ILRUN: variants seen among roughly 807,000 people sequenced by gnomAD.
The protein encoded by ILRUN is inflammation and lipid regulator with UBA-like and NBR1-like domains.
Under a neutral mutation model 33.8 loss-of-function variants are expected in ILRUN, and 3 were observed. That is an observed-to-expected ratio of 0.09 (90% CI 0.04 to 0.23). The LOEUF (loss-of-function observed/expected upper bound fraction) is 0.23. Ranked by LOEUF, ILRUN falls within the 10% of genes least tolerant of loss-of-function variation. ILRUN has a pLI of 1.00. For missense variants in ILRUN, 210 were observed against 375.1 expected (o/e 0.56, Z 3.64); for synonymous variants, 124 against 138.9 (o/e 0.89, Z 0.75).
intron 1 of ILRUN, among the ~76,000 whole-genome samples, chr6:34,661,757 A>G (rs1762890163): frequency 2.0e-5 from 3 of 152,138 alleles, no homozygotes; most frequent in Admixed American, 1.3e-4. Context: ...TTTCAACATA[A>G]TAGGTCCAAA....
chr6:34,681,811 T>C (rs928492020), intron 1 of ILRUN, among the ~76,000 whole-genome samples: 1 of 151,338 alleles, frequency 6.6e-6, no homozygotes, highest in African/African-American at 2.4e-5. Context: ...GAAGGGATTT[T>C]ACTATATTTC....
intron 3 of ILRUN, among the ~76,000 whole-genome samples, chr6:34,639,414 C>T (rs540327083): frequency 1.3e-5 from 2 of 152,274 alleles, no homozygotes; most frequent in Admixed American, 1.3e-4. Context: ...CAGGGTAAAT[C>T]TCTCCTTTGG....
At position 34,605,426 on chromosome 6, in the gene ILRUN, G is replaced by A. The variant is rs963399866; in HGVS notation, c.861+1129C>T. Among the ~76,000 whole-genome samples the A allele has an allele frequency of 2.6e-5, 4 of 151,438 alleles. 1 individual carries two copies. Among genetic ancestry groups the A allele is most frequent in the Admixed American group, 1.3e-4 (2 of 15,192 alleles). On this transcript the variant is annotated intron_variant, in intron 4 of 4. Coordinates refer to ENST00000374023, the MANE Select transcript of ILRUN (RefSeq NM_024294.4). ...GAGGATCACTTGAGATCAGGAGTTCGAGACCAGCCCAGCCAACATAGTGAA... is the reference window on the plus strand; with the variant it reads ...GAGGATCACTTGAGATCAGGAGTTCAAGACCAGCCCAGCCAACATAGTGAA...
At chr6:34,634,728 C>G (rs1432118198) in intron 3 of ILRUN, among the ~76,000 whole-genome samples, 1 of 152,202 alleles carries the variant, frequency 6.6e-6, no homozygotes, top group South Asian at 2.1e-4. Flanking sequence ...TCCCACATCA[C>G]TCAAGATGAA....
At chr6:34,610,849 A>G (rs1409102149) in intron 3 of ILRUN, among the ~76,000 whole-genome samples, 1 of 152,186 alleles carries the variant, frequency 6.6e-6, no homozygotes, top group Non-Finnish European at 1.5e-5. Context: ...TGAGAAAGCT[A>G]TTCTGAAAGC....
intron 3 of ILRUN, among the ~76,000 whole-genome samples, chr6:34,622,245 C>T (rs967497595): frequency 1.3e-5 from 2 of 152,150 alleles, no homozygotes; most frequent in Non-Finnish European, 2.9e-5. Flanking sequence ...AAATTAAAAA[C>T]TGTGCACCAA....
At chr6:34,602,678 C>T (rs1487716617) in intron 4 of ILRUN, among the ~76,000 whole-genome samples, 2 of 152,216 alleles carry the variant, frequency 1.3e-5, no homozygotes, top group Non-Finnish European at 2.9e-5. Flanking sequence ...ACAGACAGTT[C>T]AGCCACAACT....
intron 1 of ILRUN, among the ~76,000 whole-genome samples, chr6:34,659,964 G>A (rs538673768): frequency 5.3e-4 from 80 of 152,050 alleles, no homozygotes; most frequent in Non-Finnish European, 8.2e-4. Flanking sequence ...ATATTTATAT[G>A]AGGCCAGAAA....
chr6:34,614,443 A>AAAAAAATAT (rs71000073), intron 3 of ILRUN, among the ~76,000 whole-genome samples: 1,630 of 133,450 alleles, frequency 0.012, 50 homozygotes, highest in African/African-American at 0.046. Flanking sequence ...AAAAAAAAAA[A>AAAAAAATAT]ATATATATAT....
At chr6:34,650,683 T>A (rs1582078887) in intron 2 of ILRUN, among the ~76,000 whole-genome samples, 2 of 152,162 alleles carry the variant, frequency 1.3e-5, no homozygotes, top group East Asian at 3.9e-4. Flanking sequence ...ACTCCTGACC[T>A]CAGGTGATCT....
chr6:34,606,690 T>A lies in ILRUN; in HGVS notation c.726A>T (p.Thr242=). Residue 242 remains threonine (T), a synonymous_variant, in exon 4 of 5, where the codon ACA becomes ACT. Transcript: ENST00000374023. ...GSEFDSISKN[T]WAPAPDTWAP... is the part of the protein sequence containing the mutation. Reference sequence around the variant, plus strand: ...CCCATGTGTCAGGAGCAGGAGCCCATGTGTTTTTGCTGATCGAGTCGAACT... The same window carrying A: ...CCCATGTGTCAGGAGCAGGAGCCCAAGTGTTTTTGCTGATCGAGTCGAACT... 1 of 1,614,120 alleles carries A rather than the reference T, an allele frequency of 6.2e-7. No homozygotes were observed. Among genetic ancestry groups the A allele is most frequent in the African/African-American group, 1.3e-5 (1 of 75,054 alleles).
chr6:34,663,991 C>T (rs1421525215), intron 1 of ILRUN, among the ~76,000 whole-genome samples: 2 of 152,060 alleles, frequency 1.3e-5, no homozygotes, highest in Non-Finnish European at 2.9e-5. Context: ...AGTGTAAGAA[C>T]GACTCAGCTT....
intron 1 of ILRUN, among the ~76,000 whole-genome samples, chr6:34,660,932 T>C (rs1762874180): frequency 6.6e-6 from 1 of 152,206 alleles, no homozygotes; most frequent in African/African-American, 2.4e-5. Flanking sequence ...CTTTAATACG[T>C]GAAGACAACT....
At chr6:34,663,669 C>A (rs1762937900) in intron 1 of ILRUN, among the ~76,000 whole-genome samples, 1 of 152,082 alleles carries the variant, frequency 6.6e-6, no homozygotes. Context: ...AGCAATTTTA[C>A]CGAGGTATAA....
intron 3 of ILRUN, among the ~76,000 whole-genome samples, chr6:34,633,428 C>A (rs545048982): frequency 6.6e-6 from 1 of 152,240 alleles, no homozygotes; most frequent in South Asian, 2.1e-4. Context: ...ACAAAATCAA[C>A]CAACTGGATC....
intron 4 of ILRUN, 61 bp downstream of exon 4, chr6:34,606,494 A>G: frequency 7.3e-7 from 1 of 1,371,044 alleles, no homozygotes; most frequent in Non-Finnish European, 1.0e-6. Flanking sequence ...GTTTGCCATG[A>G]AGGGGTATCA....
chr6:34,657,761 G>A (rs1762804338), intron 1 of ILRUN, among the ~76,000 whole-genome samples: 2 of 152,186 alleles, frequency 1.3e-5, no homozygotes, highest in Non-Finnish European at 2.9e-5. Flanking sequence ...AGCAGGCATA[G>A]ACCAAACAGC....
intron 3 of ILRUN, among the ~76,000 whole-genome samples, chr6:34,621,124 CA>C (rs1196937222): frequency 1.3e-5 from 2 of 152,120 alleles, no homozygotes. Context: ...ACGACACTTA[CA>C]AAAAGGGGGA....
At chr6:34,600,559 A>C (rs1306442987) in intron 4 of ILRUN, among the ~76,000 whole-genome samples, 1 of 152,236 alleles carries the variant, frequency 6.6e-6, no homozygotes, top group Admixed American at 6.5e-5. Flanking sequence ...GAATATAGAC[A>C]GGTTTGGTTT....
Sources: allele counts gnomAD v4.1 joint callset (sites outside exome capture counted in the v4.1 genomes callset), GRCh38; gene constraint gnomAD v4.1.1; transcripts MANE v1.5; gene names NCBI Gene and HGNC (gene_info 2026-07-23, HGNC 2026-07-21).